NBPF12: variants seen among roughly 807,000 people sequenced by gnomAD.
NBPF12 encodes NBPF family member NBPF12.
A neutral mutation model predicts 146.4 loss-of-function variants in NBPF12; 115 were observed. That is an observed-to-expected ratio of 0.79 (90% CI 0.68 to 0.92). The LOEUF (loss-of-function observed/expected upper bound fraction) is 0.92, where lower values mean the gene tolerates loss of function less well. Among genes scored for constraint, NBPF12 ranks in the 40% least tolerant of loss-of-function variants. NBPF12 has a pLI of 0.00. For synonymous variants in NBPF12, 385 were observed against 508.9 expected, an observed-to-expected ratio of 0.76 and a Z score of 3.28; for missense variants, 1,205 against 1,326.8, an observed-to-expected ratio of 0.91 and a Z score of 1.43.
At chr1:146,945,216 C>T (rs1654998229), upstream of NBPF12, among the ~76,000 whole-genome samples, 1 of 151,398 alleles carries the variant, frequency 6.6e-6, no homozygotes, top group Non-Finnish European at 1.5e-5. Flanking sequence ...GCACTGAAAT[C>T]TACATTACTT....
Position 146,982,589 on chromosome 1 carries a change from G to A in NBPF12, c.2451-339G>A, listed in dbSNP as rs1248996742. Among the ~76,000 whole-genome samples, 882 of 152,002 alleles carry A rather than the reference G, an allele frequency of 5.8e-3. 15 individuals carry two copies. Among genetic ancestry groups the A allele is most frequent in the African/African-American group, 0.02 (827 of 41,378 alleles). ...AGAACTCTCTTGACTTGAATGCTGC[G>A]TGTAAAATTCAACCCAATTTATGCA... On this transcript the variant is annotated intron_variant, in intron 19 of 33. Transcript: ENST00000617844.
chr1:146,946,831 G>T (rs1189554944), upstream of NBPF12, among the ~76,000 whole-genome samples: 2 of 151,546 alleles, frequency 1.3e-5, no homozygotes, highest in Non-Finnish European at 2.9e-5. Context: ...TTACATTTAC[G>T]TGTAAGATTT....
intron 1 of NBPF12, among the ~76,000 whole-genome samples, chr1:146,940,503 C>T (rs1307623300): frequency 3.3e-5 from 5 of 150,756 alleles, no homozygotes; most frequent in African/African-American, 7.3e-5. Flanking sequence ...TTGCAGTGAG[C>T]AGTGATCGTG....
chr1:146,994,755 G>A (rs1258861616), exon 34 of NBPF12: 9 of 1,049,164 alleles, frequency 8.6e-6, no homozygotes, highest in African/African-American at 1.7e-5. Context: ...GAAGACAATG[G>A]ACCCACGTTA....
intron 1 of NBPF12, among the ~76,000 whole-genome samples, chr1:146,939,486 C>T (rs1442985736): frequency 6.6e-6 from 1 of 151,954 alleles, no homozygotes; most frequent in Non-Finnish European, 1.5e-5. Context: ...GCGTTTGTAG[C>T]GATCACTGAA....
At chr1:146,941,758 C>CAAAA (rs1226007703) in intron 1 of NBPF12, among the ~76,000 whole-genome samples, 13 of 61,664 alleles carry the variant, frequency 2.1e-4, no homozygotes, top group East Asian at 5.0e-4. Context: ...TGTCTTGTAC[C>CAAAA]AAAAAAAAAA....
intron 1 of NBPF12, among the ~76,000 whole-genome samples, chr1:146,940,824 A>T (rs1391337560): frequency 6.6e-6 from 1 of 151,958 alleles, no homozygotes; most frequent in Non-Finnish European, 1.5e-5. Flanking sequence ...AGGTGCAGTA[A>T]TATATCAATG....
chr1:146,952,516 T>TC, intron 2 of NBPF12, among the ~76,000 whole-genome samples: 1 of 151,258 alleles, frequency 6.6e-6, no homozygotes, highest in Non-Finnish European at 1.5e-5. Context: ...CAGTTGAAAA[T>TC]AACAATATCT....
chr1:146,969,974 G>A (rs1656480928), intron 11 of NBPF12, among the ~76,000 whole-genome samples: 1 of 150,408 alleles, frequency 6.6e-6, no homozygotes, highest in African/African-American at 2.5e-5. Flanking sequence ...GTGAGTGAGT[G>A]ATTTATCTTT....
At chr1:146,985,952 A>T (rs1336209372) in intron 23 of NBPF12, among the ~76,000 whole-genome samples, 196 bp downstream of exon 26, 9 of 150,864 alleles carry the variant, frequency 6.0e-5, no homozygotes, top group African/African-American at 1.5e-4. Context: ...CTAACTTACT[A>T]TAGGTTGACC....
At chr1:146,944,884 C>A (rs1256501211), upstream of NBPF12, among the ~76,000 whole-genome samples, 1 of 139,858 alleles carries the variant, frequency 7.2e-6, no homozygotes, top group Non-Finnish European at 1.6e-5. Flanking sequence ...CCCTTCCACC[C>A]TCCCTCCCTT....
chr1:146,984,314 T>C (rs1657576487), intron 21 of NBPF12, 129 bp downstream of exon 24: 1 of 759,978 alleles, frequency 1.3e-6, no homozygotes, highest in Non-Finnish European at 2.4e-6. Flanking sequence ...GCCTACTGCA[T>C]TGTTTTTTGG....
chr1:146,954,545 G>A (rs1399250698), intron 2 of NBPF12, among the ~76,000 whole-genome samples: 1 of 150,398 alleles, frequency 6.6e-6, no homozygotes, highest in Admixed American at 6.6e-5. Context: ...TATGTTTAAA[G>A]AGTCAGTTCT....
At chr1:146,976,559 GAGAA>G (rs1488499760) in intron 16 of NBPF12, among the ~76,000 whole-genome samples, 1 of 140,174 alleles carries the variant, frequency 7.1e-6, no homozygotes, top group Non-Finnish European at 1.5e-5. Context: ...TTGCTTCTAA[GAGAA>G]AGAATTAGGT....
exon 4 of NBPF12, chr1:146,960,278 T>A: frequency 1.4e-6 from 2 of 1,382,398 alleles, no homozygotes; most frequent in East Asian, 2.3e-5. Context: ...GTTTTCTAAC[T>A]CAACTGGCCG....
At chr1:146,980,260 CTT>C (rs1176737648) in intron 19 of NBPF12, among the ~76,000 whole-genome samples, 2 of 152,048 alleles carry the variant, frequency 1.3e-5, no homozygotes, top group East Asian at 3.9e-4. Flanking sequence ...GGTCTTGACT[CTT>C]TATCCAATTT....
chr1:146,959,689 CA>C (rs1211300549), intron 2 of NBPF12, among the ~76,000 whole-genome samples, 169 bp from the exon 6 acceptor site: 1 of 11,114 alleles, frequency 9.0e-5, no homozygotes, highest in Non-Finnish European at 1.5e-4. Flanking sequence ...GGCATTGTCA[CA>C]AGGGTACACG....
At chr1:146,994,394 G>T (rs782338656) in exon 34 of NBPF12, 2 of 1,612,360 alleles carry the variant, frequency 1.2e-6, no homozygotes, top group South Asian at 2.2e-5. Flanking sequence ...CTGGATAGAT[G>T]TTATTCGACT....
chr1:146,981,312 T>TAC (rs1657372259), intron 19 of NBPF12, among the ~76,000 whole-genome samples: 64 of 140,326 alleles, frequency 4.6e-4, no homozygotes, highest in South Asian at 1.8e-3. Context: ...TATATATATA[T>TAC]ATACATACAC....
Sources: allele counts gnomAD v4.1 joint callset (sites outside exome capture counted in the v4.1 genomes callset), GRCh38; gene constraint gnomAD v4.1.1; transcripts MANE v1.5; gene names NCBI Gene and HGNC (gene_info 2026-07-23, HGNC 2026-07-21).